The following VPS13A variants were observed in gnomAD, a reference collection of about 807,000 sequenced individuals.
VPS13A encodes intermembrane lipid transfer protein VPS13A.
A neutral mutation model predicts 390.9 loss-of-function variants in VPS13A; 264 were observed. The observed-to-expected ratio is 0.68, with a 90% CI of 0.61 to 0.75. The LOEUF is 0.75. Among genes scored for constraint, VPS13A ranks in the 30% least tolerant of loss-of-function variants. The pLI, the probability that VPS13A is intolerant of heterozygous loss-of-function variation, is 0.00. For missense variants in VPS13A, 3,409 were observed against 3,733.9 expected (o/e 0.91, Z 2.27); for synonymous variants, 1,231 against 1,227.1 (o/e 1.00, Z -0.07).
At chr9:77,255,819 C>T (rs774621614) in intron 22 of VPS13A, among the ~76,000 whole-genome samples, 1 of 151,936 alleles carries the variant, frequency 6.6e-6, no homozygotes, top group Non-Finnish European at 1.5e-5. Context: ...CTCTTAACAG[C>T]CCTTTTTGTT....
chr9:77,303,948 T>C (rs1205239161), intron 34 of VPS13A, among the ~76,000 whole-genome samples: 1 of 152,094 alleles, frequency 6.6e-6, no homozygotes, highest in South Asian at 2.1e-4. Context: ...CCTTCCTCTA[T>C]CTCAACTGCA....
intron 34 of VPS13A, among the ~76,000 whole-genome samples, chr9:77,304,114 C>T (rs1052633047): frequency 2.0e-5 from 3 of 152,164 alleles, no homozygotes; most frequent in Non-Finnish European, 4.4e-5. Context: ...GGGCAGAGGT[C>T]CCTGCGGCTT....
At chr9:77,284,834 G>A (rs920267368) in intron 31 of VPS13A, among the ~76,000 whole-genome samples, 1 of 151,864 alleles carries the variant, frequency 6.6e-6, no homozygotes, top group East Asian at 1.9e-4. Context: ...CTCGTGAGTG[G>A]CTGGGATTAC....
At position 77,280,133 on chromosome 9, in the gene VPS13A, G is replaced by C. The variant is rs564023667; in HGVS notation, c.2825-26G>C. The C allele has an allele frequency of 1.9e-4, 289 of 1,524,424 alleles. 6 individuals are homozygous for C. In the South Asian group the frequency reaches 3.3e-3, roughly 17 times the overall value. The allele number at this position is 1,524,424 out of a possible 1,614,324, so 94.4% of individuals were successfully genotyped here. On this transcript the variant is annotated intron_variant, in intron 26 of 71. Coordinates refer to ENST00000360280, the MANE Select transcript of VPS13A (RefSeq NM_033305.3). ...TTTTCAGTTACCTTTCCGATGAAAA[G>C]ATAATTTTTAAAAAATTATTTTTAG...
intron 15 of VPS13A, among the ~76,000 whole-genome samples, chr9:77,227,038 A>T (rs1306843311): frequency 1.3e-5 from 2 of 152,080 alleles, no homozygotes; most frequent in Non-Finnish European, 2.9e-5. Flanking sequence ...AGTGCACTAA[A>T]CTTCAGTTTT....
intron 46 of VPS13A, among the ~76,000 whole-genome samples, chr9:77,332,636 A>T (rs1360699933): frequency 6.6e-6 from 1 of 152,100 alleles, no homozygotes; most frequent in Non-Finnish European, 1.5e-5. Flanking sequence ...AGAAAATATT[A>T]AAATTATAAC....
intron 28 of VPS13A, 83 bp downstream of exon 28, chr9:77,282,009 G>T: frequency 7.3e-7 from 1 of 1,367,396 alleles, no homozygotes; most frequent in Non-Finnish European, 1.0e-6. Context: ...GATCCTTAAA[G>T]ATAAGAAAAT....
Position 77,225,419 on chromosome 9 carries a change from T to C in VPS13A, c.1162-507T>C, listed in dbSNP as rs114474232. Among the ~76,000 whole-genome samples the C allele has an allele frequency of 6.2e-3, 942 of 152,174 alleles. 7 individuals carry two copies. Among genetic ancestry groups the C allele is most frequent in the African/African-American group, 0.021 (887 of 41,530 alleles). The stretch of plus-strand genomic sequence containing the variant: ...GCATGTGCCACCATGCCTAGCTAAT[T>C]TGTATATGTTTTGTAGAGGTTTTGC... On this transcript the variant is annotated intron_variant, in intron 13 of 71. Transcript: ENST00000360280.
chr9:77,294,236 G>A (rs189750007), intron 32 of VPS13A, among the ~76,000 whole-genome samples: 196 of 152,266 alleles, frequency 1.3e-3, no homozygotes, highest in Non-Finnish European at 2.4e-3. Flanking sequence ...ATTTTCGATT[G>A]CATTGTCATT....
chr9:77,281,626 G>A (rs1564692118), intron 27 of VPS13A, among the ~76,000 whole-genome samples: 1 of 151,922 alleles, frequency 6.6e-6, no homozygotes, highest in Non-Finnish European at 1.5e-5. Flanking sequence ...AAGAATGATA[G>A]TACGTAACAT....
chr9:77,218,966 C>T lies in VPS13A; in HGVS notation c.755-988C>T, dbSNP rs150231276. ...GGGCACTGTGGAGTTAAGTTGGTTA[C>T]TCCACACTGACGAAGTGAGAAGTTA... On this transcript the variant is annotated intron_variant, in intron 10 of 71. Coordinates refer to ENST00000360280, the MANE Select transcript of VPS13A (RefSeq NM_033305.3). Among the ~76,000 whole-genome samples the T allele has an allele frequency of 4.3e-3, 648 of 152,166 alleles. 7 individuals are homozygous for T. Among genetic ancestry groups the T allele is most frequent in the African/African-American group, 0.015 (610 of 41,520 alleles).
chr9:77,191,004 T>C (rs1046938364), intron 1 of VPS13A, among the ~76,000 whole-genome samples: 1 of 152,110 alleles, frequency 6.6e-6, no homozygotes, highest in Non-Finnish European at 1.5e-5. Context: ...ATCTATCTTA[T>C]TTATTCTTTC....
chr9:77,267,314 G>A (rs1177240248), intron 23 of VPS13A, among the ~76,000 whole-genome samples: 2 of 152,146 alleles, frequency 1.3e-5, no homozygotes, highest in Admixed American at 1.3e-4. Context: ...TCTACCTTGA[G>A]TCTTTGAAGT....
At chr9:77,386,495 C>G (rs12686766) in intron 68 of VPS13A, among the ~76,000 whole-genome samples, 3 of 145,906 alleles carry the variant, frequency 2.1e-5, no homozygotes, top group Non-Finnish European at 3.0e-5. Flanking sequence ...AAGAATTTAT[C>G]GGAAAAAAAA....
At chr9:77,399,728 GCTTAA>G (rs1041148042) in intron 68 of VPS13A, among the ~76,000 whole-genome samples, 1 of 152,084 alleles carries the variant, frequency 6.6e-6, no homozygotes, top group African/African-American at 2.4e-5. Context: ...AAAAATAAAA[GCTTAA>G]CTTCTGCCTC....
At chr9:77,307,397 G>A (rs1411514119) in intron 34 of VPS13A, among the ~76,000 whole-genome samples, 1 of 152,196 alleles carries the variant, frequency 6.6e-6, no homozygotes, top group African/African-American at 2.4e-5. Context: ...GCTGCAGTGA[G>A]CTAGGATTGC....
chr9:77,210,821 T>C, intron 7 of VPS13A, 146 bp downstream of exon 7: 1 of 776,416 alleles, frequency 1.3e-6, no homozygotes, highest in East Asian at 2.6e-5. Flanking sequence ...GAATCGAGGG[T>C]ATGTAGATTC....
At chr9:77,209,024 A>G (rs897532902) in intron 5 of VPS13A, among the ~76,000 whole-genome samples, 5 of 152,214 alleles carry the variant, frequency 3.3e-5, no homozygotes, top group Non-Finnish European at 7.3e-5. Context: ...TGTTTTACAC[A>G]TCTATACACA....
In VPS13A at chr9:77,359,372, C is replaced by G; in HGVS notation, c.8075C>G (p.Ser2692Cys). 1.2e-6 allele frequency: 2 copies of G among 1,613,428 alleles called. No individual in the cohort carries two copies. The highest frequency in any genetic ancestry group is 1.7e-6 in the Non-Finnish European group (2 of 1,179,610). The change falls in exon 58 of 72, where the codon TCT becomes TGT. Residue 2692 changes from serine (S) to cysteine (C), a missense_variant. Transcript: ENST00000360280. Reference protein sequence around the residue: ...PFTDVSIVMRSAGHSQISRIK... With the variant: ...PFTDVSIVMRCAGHSQISRIK... ...ACAGATGTCAGTATTGTCATGAGAT[C>G]TGCAGGACATTCCCAGATATCACGT...
Sources: allele counts gnomAD v4.1 joint callset (sites outside exome capture counted in the v4.1 genomes callset), GRCh38; gene constraint gnomAD v4.1.1; transcripts MANE v1.5; gene names NCBI Gene and HGNC (gene_info 2026-07-23, HGNC 2026-07-21).